Variants in DAB1 observed in about 807,000 individuals in gnomAD.
DAB1 encodes disabled homolog 1.
In DAB1, 15 loss-of-function variants were observed where a neutral mutation model predicts 64.6. That is an observed-to-expected ratio of 0.23 (90% CI 0.16 to 0.36). The LOEUF (loss-of-function observed/expected upper bound fraction) is 0.36, where lower values mean the gene tolerates loss of function less well. Ranked by LOEUF, DAB1 falls within the 10% of genes least tolerant of loss-of-function variation. The probability of loss-of-function intolerance (pLI) is 1.00; values close to 1 mark genes in which losing one functional copy is unlikely to be tolerated. For synonymous variants in DAB1, 235 were observed against 251.9 expected, an observed-to-expected ratio of 0.93 and a Z score of 0.64; for missense variants, 596 against 706.7, an observed-to-expected ratio of 0.84 and a Z score of 1.78.
At chr1:57,681,233 C>T (rs961890463) in intron 6 of DAB1, among the ~76,000 whole-genome samples, 2 of 152,196 alleles carry the variant, frequency 1.3e-5, no homozygotes, top group Non-Finnish European at 2.9e-5. Context: ...TTCATCGTCA[C>T]ATGGTATTCT....
intron 5 of DAB1, among the ~76,000 whole-genome samples, chr1:58,138,347 G>A (rs530996270): frequency 6.6e-6 from 1 of 152,256 alleles, no homozygotes; most frequent in East Asian, 1.9e-4. Flanking sequence ...CAAACAGTTT[G>A]CACTCCAAAA....
intron 6 of DAB1, among the ~76,000 whole-genome samples, chr1:57,650,523 A>C (rs189477787): frequency 6.6e-6 from 1 of 152,334 alleles, no homozygotes; most frequent in African/African-American, 2.4e-5. Context: ...ATAATTTTTT[A>C]AATGTTCACT....
intron 5 of DAB1, among the ~76,000 whole-genome samples, chr1:58,132,990 T>A (rs1398496249): frequency 6.6e-6 from 1 of 152,196 alleles, no homozygotes; most frequent in Non-Finnish European, 1.5e-5. Flanking sequence ...CCCACGAGCT[T>A]ATACTCTCTT....
intron 2 of DAB1, among the ~76,000 whole-genome samples, chr1:57,168,877 G>A (rs555624703): frequency 1.2e-4 from 18 of 152,094 alleles, no homozygotes; most frequent in South Asian, 1.0e-3. Context: ...GCAAAATAGC[G>A]CAACTCTCTC....
intron 4 of DAB1, among the ~76,000 whole-genome samples, chr1:57,106,260 C>G (rs183305317): frequency 2.0e-5 from 3 of 150,726 alleles, no homozygotes; most frequent in Non-Finnish European, 4.4e-5. Context: ...CCCTAACACC[C>G]CCCCCCATCA....
intron 3 of DAB1, among the ~76,000 whole-genome samples, chr1:58,492,638 C>T (rs1483748849): frequency 1.3e-5 from 2 of 152,152 alleles, no homozygotes; most frequent in Non-Finnish European, 2.9e-5. Context: ...CTATAAACAC[C>T]TCTACACAAA....
intron 1 of DAB1, among the ~76,000 whole-genome samples, chr1:57,391,858 C>T (rs1250968414): frequency 6.6e-6 from 1 of 151,214 alleles, no homozygotes; most frequent in Non-Finnish European, 1.5e-5. Context: ...TTTCATGTTG[C>T]TGGAAAGTTG....
At chr1:57,647,424 C>T (rs147772726) in intron 7 of DAB1, among the ~76,000 whole-genome samples, 112 of 152,280 alleles carry the variant, frequency 7.4e-4, no homozygotes, top group African/African-American at 2.5e-3. Flanking sequence ...AGGGCTCCCA[C>T]CTTCTCCAAG....
chr1:57,153,915 A>G (rs1557823534), intron 2 of DAB1, among the ~76,000 whole-genome samples: 1 of 152,192 alleles, frequency 6.6e-6, no homozygotes, highest in Non-Finnish European at 1.5e-5. Context: ...TTGGGATTAC[A>G]GGCATGAGCC....
chr1:57,521,831 C>A (rs372594548), intron 7 of DAB1, among the ~76,000 whole-genome samples: 2 of 152,128 alleles, frequency 1.3e-5, no homozygotes, highest in African/African-American at 4.8e-5. Context: ...CCCATTCGGC[C>A]GGGCGTGGTG....
intron 4 of DAB1, among the ~76,000 whole-genome samples, chr1:58,334,535 G>A (rs977559525): frequency 1.2e-4 from 18 of 151,038 alleles, no homozygotes; most frequent in African/African-American, 3.9e-4. Flanking sequence ...TTAAGGAGGT[G>A]ATGATTTGCT....
intron 7 of DAB1, among the ~76,000 whole-genome samples, chr1:57,590,005 T>C (rs1645424930): frequency 6.6e-6 from 1 of 152,184 alleles, no homozygotes; most frequent in Non-Finnish European, 1.5e-5. Context: ...AAATAAATTA[T>C]ATACTATTTT....
rs544748663 is a variant in DAB1, at chr1:57,110,920, C to T, written c.306+25623G>A. Among the ~76,000 whole-genome samples, 5 of 152,118 alleles carry T rather than the reference C, an allele frequency of 3.3e-5. 1 individual carries two copies. Among genetic ancestry groups the T allele is most frequent in the Middle Eastern group, 6.8e-3 (2 of 292 alleles). On this transcript the variant is annotated intron_variant, in intron 4 of 14. Transcript: ENST00000371236. ...CTCAAACCCAGATCCTGCCTAACTC[C>T]AGCCTTGATATTTATATATCAAGGC...
At chr1:57,569,159 G>A (rs1315061607) in intron 7 of DAB1, among the ~76,000 whole-genome samples, 1 of 146,630 alleles carries the variant, frequency 6.8e-6, no homozygotes, top group African/African-American at 2.5e-5. Context: ...TCGGGAGGCT[G>A]AGGCAGGAGA....
intron 1 of DAB1, chr1:58,538,899 A>C: frequency 1.1e-6 from 1 of 872,868 alleles, no homozygotes; most frequent in Non-Finnish European, 2.0e-6. Context: ...AATTCCTAAT[A>C]GCTCTTATGG....
chr1:57,659,271 C>T (rs903560274), intron 6 of DAB1, among the ~76,000 whole-genome samples: 18 of 152,130 alleles, frequency 1.2e-4, no homozygotes, highest in Admixed American at 5.2e-4. Context: ...AGTTGTCCTA[C>T]TAATTAGTTT....
At chr1:57,033,171 T>TACAC (rs141683665) in intron 9 of DAB1, among the ~76,000 whole-genome samples, 63,727 of 149,318 alleles carry the variant, frequency 0.43, 14,277 homozygotes, top group Middle Eastern at 0.57. Flanking sequence ...CACTTTTGTT[T>TACAC]ACACACACAC....
intron 6 of DAB1, among the ~76,000 whole-genome samples, chr1:57,773,142 C>G (rs546597091): frequency 6.6e-6 from 1 of 152,116 alleles, no homozygotes; most frequent in East Asian, 1.9e-4. Context: ...CCCTGCAGAT[C>G]TGTGTGAGAA....
chr1:57,570,847 T>C (rs1645186076), intron 7 of DAB1, among the ~76,000 whole-genome samples: 1 of 152,220 alleles, frequency 6.6e-6, no homozygotes, highest in Non-Finnish European at 1.5e-5. Context: ...TGTGTTTTCA[T>C]TTGTTTGTGT....
Sources: gnomAD v4.1 joint callset for allele counts (sites outside exome capture counted in the v4.1 genomes callset) on GRCh38, gnomAD v4.1.1 for gene constraint, MANE v1.5 for transcripts, NCBI Gene and HGNC (gene_info 2026-07-23, HGNC 2026-07-21) for gene names.